Variants in FER observed in about 807,000 individuals in gnomAD.
FER encodes the protein FER tyrosine kinase.
FER carries 63 observed loss-of-function variants against 111.0 expected under a neutral mutation model. That is an observed-to-expected ratio of 0.57 (90% CI 0.46 to 0.70). The LOEUF (loss-of-function observed/expected upper bound fraction) is 0.70. FER is among the 30% of genes least tolerant of loss of function. FER has a pLI of 0.00. For synonymous variants in FER, 327 were observed against 313.9 expected (o/e 1.04, Z -0.44); for missense variants, 914 against 954.0 (o/e 0.96, Z 0.55).
At chr5:109,168,971 T>G (rs1157906254) in intron 17 of FER, among the ~76,000 whole-genome samples, 3 of 152,204 alleles carry the variant, frequency 2.0e-5, no homozygotes, top group African/African-American at 7.2e-5. Context: ...GACACTTTTA[T>G]GTAACTGTGG....
intron 17 of FER, among the ~76,000 whole-genome samples, chr5:109,103,022 T>C (rs912063877): frequency 8.5e-5 from 13 of 152,110 alleles, no homozygotes; most frequent in African/African-American, 3.1e-4. Flanking sequence ...AAAAAAAATA[T>C]AGGATTTACT....
intron 2 of FER, among the ~76,000 whole-genome samples, chr5:108,770,880 GTAT>G (rs1443598101): frequency 1.3e-5 from 2 of 151,820 alleles, no homozygotes; most frequent in African/African-American, 4.8e-5. Flanking sequence ...ATAAATCTGT[GTAT>G]TATTCGTTTC....
intron 3 of FER, among the ~76,000 whole-genome samples, chr5:108,806,287 C>T (rs1268516477): frequency 3.3e-5 from 5 of 152,168 alleles, no homozygotes; most frequent in Admixed American, 1.3e-4. Context: ...TGTGGAAATG[C>T]CTGGATGTCC....
chr5:108,862,586 A>G (rs1372508919), intron 5 of FER, among the ~76,000 whole-genome samples: 1 of 152,210 alleles, frequency 6.6e-6, no homozygotes, highest in Non-Finnish European at 1.5e-5. Context: ...AAAATATGGA[A>G]TTCAGTGAAT....
At chr5:108,873,846 T>G (rs1411615074) in intron 8 of FER, among the ~76,000 whole-genome samples, 7 of 152,164 alleles carry the variant, frequency 4.6e-5, no homozygotes, top group Non-Finnish European at 7.4e-5. Flanking sequence ...AAGAATTATC[T>G]GGTGAAAATA....
chr5:109,128,726 A>C (rs562898014), intron 17 of FER, among the ~76,000 whole-genome samples: 1 of 152,152 alleles, frequency 6.6e-6, no homozygotes, highest in East Asian at 1.9e-4. Context: ...ATAAATACAC[A>C]TATTATGTAA....
At chr5:108,998,235 C>T (rs1049682658) in intron 13 of FER, among the ~76,000 whole-genome samples, 1 of 148,702 alleles carries the variant, frequency 6.7e-6, no homozygotes, top group Non-Finnish European at 1.5e-5. Context: ...ACTGCCCAAA[C>T]GGCCGCCCAG....
At chr5:108,790,017 A>G (rs1330757163) in intron 2 of FER, among the ~76,000 whole-genome samples, 2 of 152,260 alleles carry the variant, frequency 1.3e-5, no homozygotes, top group African/African-American at 2.4e-5. Flanking sequence ...TATCAGATAC[A>G]GTTTTTTTTA....
Position 109,149,207 on chromosome 5 carries a change from T to G in FER, c.2049-31540T>G, listed in dbSNP as rs568523840. Among the ~76,000 whole-genome samples the G allele has an allele frequency of 1.2e-4, 18 of 152,296 alleles. No homozygotes were observed. The South Asian group carries it at 3.7e-3, about 32-fold the overall frequency. The stretch of plus-strand genomic sequence containing the variant: ...AAGATGATGATTTAAAAGTCTAAAT[T>G]TGAGGCCTCTCTTAAATGTAAAAGG... On this transcript the variant is annotated intron_variant, in intron 17 of 19. Transcript: ENST00000281092.
intron 17 of FER, among the ~76,000 whole-genome samples, chr5:109,147,802 G>T (rs3064694): frequency 0.18 from 16,993 of 93,766 alleles, 958 homozygotes; most frequent in East Asian, 0.29. Flanking sequence ...TATATATATA[G>T]AGAGAGAGAG....
intron 1 of FER, among the ~76,000 whole-genome samples, 191 bp downstream of exon 1, chr5:108,748,191 C>T (rs1449547778): frequency 6.6e-6 from 1 of 152,216 alleles, no homozygotes; most frequent in Admixed American, 6.5e-5. Flanking sequence ...CTAAAGCAAT[C>T]CACGTTAATA....
chr5:109,013,144 A>G (rs146474951), intron 13 of FER, among the ~76,000 whole-genome samples: 16,633 of 150,870 alleles, frequency 0.11, 1,001 homozygotes, highest in Non-Finnish European at 0.14. Context: ...TTAGTTACAT[A>G]TGTATACATG....
intron 16 of FER, among the ~76,000 whole-genome samples, chr5:109,053,647 A>G (rs147743921): frequency 0.013 from 1,913 of 150,884 alleles, 46 homozygotes; most frequent in African/African-American, 0.044. Flanking sequence ...CCATATTGTA[A>G]TGTGTATCAA....
intron 3 of FER, among the ~76,000 whole-genome samples, chr5:108,831,117 T>A (rs1760000694): frequency 6.6e-6 from 1 of 152,108 alleles, no homozygotes; most frequent in African/African-American, 2.4e-5. Flanking sequence ...TCTGACCCAA[T>A]TGTGTGGTTT....
At chr5:108,784,404 G>GCC (rs1436903108) in intron 2 of FER, 1 of 153,840 alleles carries the variant, frequency 6.5e-6, no homozygotes, top group Admixed American at 6.5e-5. Flanking sequence ...CAATTTGTGG[G>GCC]CCATACCAAG....
At chr5:108,808,208 A>G (rs558587951) in intron 3 of FER, among the ~76,000 whole-genome samples, 11 of 152,162 alleles carry the variant, frequency 7.2e-5, no homozygotes, top group South Asian at 2.1e-4. Context: ...GTCTGATGCT[A>G]TCAGTGGGGT....
intron 9 of FER, among the ~76,000 whole-genome samples, chr5:108,893,252 T>C (rs534045099): frequency 1.4e-4 from 22 of 152,208 alleles, no homozygotes; most frequent in African/African-American, 4.8e-4. Context: ...TATAAATTAC[T>C]TTGGGCAGTA....
At chr5:108,840,596 T>C (rs1427831573) in intron 5 of FER, among the ~76,000 whole-genome samples, 1 of 152,168 alleles carries the variant, frequency 6.6e-6, no homozygotes, top group African/African-American at 2.4e-5. Context: ...GATTGCATTC[T>C]CATGACTACT....
chr5:109,033,696 A>T (rs1177525823), intron 13 of FER, among the ~76,000 whole-genome samples: 1 of 152,068 alleles, frequency 6.6e-6, no homozygotes, highest in Non-Finnish European at 1.5e-5. Context: ...ATCTTTATCC[A>T]ATTTAACGGA....
Sources: gnomAD v4.1 joint callset for allele counts (sites outside exome capture counted in the v4.1 genomes callset) on GRCh38, gnomAD v4.1.1 for gene constraint, MANE v1.5 for transcripts, NCBI Gene and HGNC (gene_info 2026-07-23, HGNC 2026-07-21) for gene names.